Variants in CFDP1 observed in about 807,000 individuals in gnomAD.
The protein encoded by CFDP1 is heterochromatin-stabilizing protein CFDP1.
CFDP1 carries 31 observed loss-of-function variants against 40.1 expected under a neutral mutation model. The observed-to-expected ratio is 0.77, with a 90% CI of 0.58 to 1.04. CFDP1 has a LOEUF of 1.04. CFDP1 is among the 50% of genes least tolerant of loss of function. CFDP1 has a pLI of 0.00. For synonymous variants in CFDP1, 167 were observed against 120.0 expected (o/e 1.39, Z -2.56); for missense variants, 423 against 343.4 (o/e 1.23, Z -1.83).
chr16:75,362,433 G>C (rs1240956224), intron 5 of CFDP1, among the ~76,000 whole-genome samples: 2 of 152,158 alleles, frequency 1.3e-5, no homozygotes, highest in Non-Finnish European at 2.9e-5. Flanking sequence ...CCTATGTTCT[G>C]GGTTTTCCTG....
intron 5 of CFDP1, among the ~76,000 whole-genome samples, chr16:75,349,698 T>TATATATATATATATATATATATACACAC (rs146824267): frequency 1.0e-4 from 5 of 47,894 alleles, no homozygotes; most frequent in African/African-American, 5.5e-4. Context: ...AAAATATATA[T>TATATATATATATATATATATATACACAC]ACATACATAT....
At chr16:75,332,732 T>A (rs909523720) in intron 5 of CFDP1, among the ~76,000 whole-genome samples, 1 of 151,006 alleles carries the variant, frequency 6.6e-6, no homozygotes, top group Non-Finnish European at 1.5e-5. Flanking sequence ...TATATTTATA[T>A]ATAAAAACAT....
Position 75,420,330 on chromosome 16 carries a change from T to C in CFDP1, c.65-5635A>G, listed in dbSNP as rs137982206. On this transcript the variant is annotated intron_variant, in intron 1 of 6. Transcript: ENST00000283882. ...ATGCTATTCAAACATCAGATGTCCA[T>C]TGATAATGCATTCTGGCCAAAGTAT... Among the ~76,000 whole-genome samples, 889 of 152,258 alleles carry C rather than the reference T, an allele frequency of 5.8e-3. 6 individuals are homozygous for C. The highest frequency in any genetic ancestry group is 0.019 in the African/African-American group (807 of 41,536).
At chr16:75,299,774 T>C (rs916849867) in intron 6 of CFDP1, among the ~76,000 whole-genome samples, 8 of 152,098 alleles carry the variant, frequency 5.3e-5, no homozygotes, top group Admixed American at 2.6e-4. Flanking sequence ...AACATGTTCA[T>C]AGATGAACAA....
chr16:75,345,194 C>T (rs1198858714), intron 5 of CFDP1, among the ~76,000 whole-genome samples: 1 of 152,078 alleles, frequency 6.6e-6, no homozygotes, highest in African/African-American at 2.4e-5. Context: ...CAGTGGCTCA[C>T]ACCTATAATC....
At chr16:75,360,709 T>C (rs2078674908) in intron 5 of CFDP1, among the ~76,000 whole-genome samples, 1 of 152,212 alleles carries the variant, frequency 6.6e-6, no homozygotes. Flanking sequence ...TAAGTCTTAT[T>C]AATAATTGTA....
intron 4 of CFDP1, among the ~76,000 whole-genome samples, chr16:75,398,312 C>G (rs921912937): frequency 2.0e-5 from 3 of 152,150 alleles, no homozygotes; most frequent in African/African-American, 7.2e-5. Context: ...ATAGAGAACC[C>G]TATAGCAGAC....
rs74355496 is a variant in CFDP1, at chr16:75,410,908, C to CAA, written c.530+915_530+916dup. 4.0e-3 allele frequency among the ~76,000 whole-genome samples: 252 copies of CAA among 62,436 alleles called. 5 individuals are homozygous for CAA. Among genetic ancestry groups the CAA allele is most frequent in the Middle Eastern group, 0.012 (1 of 82 alleles). 41.0% of individuals were successfully genotyped at this position (62,436 alleles called of 152,430 possible). The stretch of plus-strand genomic sequence containing the variant: ...TGGGCGACAGAGCAAGACTCTGTCT[C>CAA]AAAAAAAAAAAAAAAAAAGAAAAAA... On this transcript the variant is annotated intron_variant, in intron 4 of 6. Coordinates refer to ENST00000283882, the MANE Select transcript of CFDP1 (RefSeq NM_006324.3).
chr16:75,294,149 G>C (rs148717768), intron 6 of CFDP1, 107 bp from the exon 7 acceptor site: 5 of 793,662 alleles, frequency 6.3e-6, no homozygotes, highest in South Asian at 1.5e-5. Context: ...ATGGTGCCGA[G>C]AGTGACCACC....
intron 5 of CFDP1, among the ~76,000 whole-genome samples, chr16:75,368,330 C>G (rs1372601838): frequency 1.3e-5 from 2 of 152,092 alleles, no homozygotes. Flanking sequence ...GCTAAAATCA[C>G]AGCACGTTAA....
At chr16:75,355,521 TC>T (rs2151528671) in intron 5 of CFDP1, among the ~76,000 whole-genome samples, 2 of 152,300 alleles carry the variant, frequency 1.3e-5, no homozygotes, top group East Asian at 3.9e-4. Context: ...AAGCAACTCC[TC>T]ATCTGTCAAA....
chr16:75,299,885 T>G (rs1376994165), intron 6 of CFDP1, among the ~76,000 whole-genome samples: 1 of 152,086 alleles, frequency 6.6e-6, no homozygotes, highest in East Asian at 1.9e-4. Flanking sequence ...TAGAGTGCCA[T>G]CCGCATAGAG....
intron 1 of CFDP1, among the ~76,000 whole-genome samples, chr16:75,427,411 C>A (rs937783381): frequency 4.6e-5 from 7 of 151,984 alleles, no homozygotes; most frequent in African/African-American, 1.7e-4. Context: ...CCACCATGCC[C>A]GGCTAATTCT....
At position 75,294,612 on chromosome 16, in the gene CFDP1, T is replaced by G. The variant is rs1010632; in HGVS notation, c.810-570A>C. Among the ~76,000 whole-genome samples the G allele has an allele frequency of 6.5e-3, 994 of 152,250 alleles. 9 individuals carry two copies. Among genetic ancestry groups the G allele is most frequent in the Middle Eastern group, 0.017 (5 of 294 alleles). On this transcript the variant is annotated intron_variant, in intron 6 of 6. Transcript: ENST00000283882. ...AGCTGAGGTTCATAAAGTGCACACT[T>G]TAGAAGTGATTTAACTGCTTTGAGC...
intron 5 of CFDP1, among the ~76,000 whole-genome samples, chr16:75,337,398 T>G (rs1288238677): frequency 6.6e-6 from 1 of 152,234 alleles, no homozygotes; most frequent in African/African-American, 2.4e-5. Flanking sequence ...AGAGCTACTT[T>G]GAGGCGCAGG....
At chr16:75,389,662 C>T (rs555889443) in intron 5 of CFDP1, among the ~76,000 whole-genome samples, 31 of 108,300 alleles carry the variant, frequency 2.9e-4, no homozygotes, top group African/African-American at 6.3e-4. Flanking sequence ...TGAAGCAGCT[C>T]CCAAAATGAA....
rs139342543 is a variant in CFDP1 at position 75,294,809 on chromosome 16, C to T, written c.810-767G>A. ...AGGATCCCCTTGAAAGGTGGACACT[C>T]TGCTCCCTAATCTGGTTGGGTTCAG... On this transcript the variant is annotated intron_variant, in intron 6 of 6. Transcript: ENST00000283882. Among the ~76,000 whole-genome samples the T allele has an allele frequency of 3.5e-3, 530 of 152,258 alleles. 2 individuals are homozygous for T. The highest frequency in any genetic ancestry group is 9.7e-3 in the South Asian group (47 of 4,828).
intron 1 of CFDP1, among the ~76,000 whole-genome samples, chr16:75,426,424 G>A (rs779877097): frequency 6.6e-6 from 1 of 151,888 alleles, no homozygotes; most frequent in Non-Finnish European, 1.5e-5. Flanking sequence ...TTGTAATCCC[G>A]AGTTAGGCAA....
At chr16:75,317,419 G>A (rs968604348) in intron 5 of CFDP1, among the ~76,000 whole-genome samples, 14 of 152,178 alleles carry the variant, frequency 9.2e-5, no homozygotes, top group Non-Finnish European at 1.3e-4. Context: ...AGAAGGACAC[G>A]CCACCATTTC....
Sources: allele counts gnomAD v4.1 joint callset (sites outside exome capture counted in the v4.1 genomes callset), GRCh38; gene constraint gnomAD v4.1.1; transcripts MANE v1.5; gene names NCBI Gene and HGNC (gene_info 2026-07-23, HGNC 2026-07-21).